The following PRR16 variants were observed in gnomAD, a reference collection of about 807,000 sequenced individuals.
PRR16 encodes proline rich 16, also known as protein Largen.
A neutral mutation model predicts 18.2 loss-of-function variants in PRR16; 6 were observed. The observed-to-expected ratio is 0.33, with a 90% CI of 0.18 to 0.65. The LOEUF is 0.65. PRR16 is among the 30% of genes least tolerant of loss of function. PRR16 has a pLI of 0.74. For missense variants in PRR16, 412 were observed against 376.6 expected, an observed-to-expected ratio of 1.09 and a Z score of -0.78; for synonymous variants, 151 against 147.8, an observed-to-expected ratio of 1.02 and a Z score of -0.16.
chr5:120,790,162 T>C, the PRR16 span: 2 of 152,136 alleles, frequency 1.3e-5, no homozygotes, highest in African/African-American at 2.4e-5. Context: ...CTGACAGCCA[T>C]GAGCAGAGCC....
downstream of PRR16, among the ~76,000 whole-genome samples, chr5:120,689,308 T>A (rs556866679): frequency 7.9e-5 from 12 of 152,176 alleles, no homozygotes; most frequent in Admixed American, 1.3e-4. Flanking sequence ...TACAAACTTG[T>A]AAAACAGAAA....
chr5:120,695,933 G>A, the PRR16 span, among the ~76,000 whole-genome samples: 1 of 21,908 alleles, frequency 4.6e-5, no homozygotes, highest in Non-Finnish European at 1.1e-4. Context: ...ATATATGTGT[G>A]TGTGTATATA....
the PRR16 span, among the ~76,000 whole-genome samples, chr5:120,702,937 C>T: frequency 6.6e-6 from 1 of 152,148 alleles, no homozygotes. Flanking sequence ...GGAGGTCCCC[C>T]GATCCGAGTC....
At chr5:120,665,767 T>C (rs1756352312) in intron 1 of PRR16, among the ~76,000 whole-genome samples, 1 of 152,206 alleles carries the variant, frequency 6.6e-6, no homozygotes, top group Non-Finnish European at 1.5e-5. Flanking sequence ...CAGATAGTTG[T>C]AGATATGTGG....
chr5:120,501,700 G>A (rs1293291829), intron 1 of PRR16, among the ~76,000 whole-genome samples: 3 of 151,966 alleles, frequency 2.0e-5, no homozygotes, highest in African/African-American at 4.8e-5. Context: ...GAAATGGCCA[G>A]TATATCAGCA....
At chr5:120,772,496 C>G in the PRR16 span, among the ~76,000 whole-genome samples, 2 of 151,944 alleles carry the variant, frequency 1.3e-5, no homozygotes, top group South Asian at 4.2e-4. Context: ...TAATGTAAAG[C>G]TTATGTATTA....
chr5:120,737,010 G>T, the PRR16 span, among the ~76,000 whole-genome samples: 3 of 152,176 alleles, frequency 2.0e-5, no homozygotes, highest in African/African-American at 7.2e-5. Context: ...GATCTTTAGA[G>T]TGTTCTACAC....
At chr5:120,680,943 A>C (rs75746784) in intron 1 of PRR16, among the ~76,000 whole-genome samples, 1 of 152,118 alleles carries the variant, frequency 6.6e-6, no homozygotes, top group Non-Finnish European at 1.5e-5. Flanking sequence ...GTTGGTATAG[A>C]TACTATATGT....
At chr5:120,648,425 T>C (rs1302264852) in intron 1 of PRR16, among the ~76,000 whole-genome samples, 1 of 151,916 alleles carries the variant, frequency 6.6e-6, no homozygotes, top group Non-Finnish European at 1.5e-5. Flanking sequence ...AGAGTTAAAC[T>C]GTTTGTTCCA....
chr5:120,694,030 T>G, the PRR16 span, among the ~76,000 whole-genome samples: 5 of 152,330 alleles, frequency 3.3e-5, no homozygotes, highest in East Asian at 9.6e-4. Context: ...TCGCCTGTAT[T>G]CCTCCTTTGA....
At chr5:120,743,678 C>CT in the PRR16 span, among the ~76,000 whole-genome samples, 1 of 152,018 alleles carries the variant, frequency 6.6e-6, no homozygotes, top group African/African-American at 2.4e-5. Flanking sequence ...GTTACTTTTA[C>CT]TTTTTGCTGT....
At chr5:120,644,536 C>T (rs1056671743) in intron 1 of PRR16, among the ~76,000 whole-genome samples, 82 of 152,230 alleles carry the variant, frequency 5.4e-4, no homozygotes, top group African/African-American at 1.9e-3. Context: ...TGCAAAATAT[C>T]TGAGAGTTAG....
intron 1 of PRR16, among the ~76,000 whole-genome samples, chr5:120,602,893 A>G (rs948112302): frequency 1.3e-5 from 2 of 152,010 alleles, no homozygotes; most frequent in Admixed American, 1.3e-4. Context: ...TCAAACCATC[A>G]TCGCATCTCA....
the PRR16 span, among the ~76,000 whole-genome samples, chr5:120,699,333 G>A: frequency 2.6e-5 from 4 of 152,182 alleles, no homozygotes; most frequent in Admixed American, 6.5e-5. Context: ...TGGTGGAACC[G>A]CCGTCAATAA....
downstream of PRR16, among the ~76,000 whole-genome samples, chr5:120,687,611 T>C (rs1247345660): frequency 6.6e-6 from 1 of 152,206 alleles, no homozygotes; most frequent in East Asian, 1.9e-4. Flanking sequence ...TAGGGTGTTT[T>C]GCCTCCTGCA....
At chr5:120,709,892 C>G in the PRR16 span, among the ~76,000 whole-genome samples, 3 of 152,082 alleles carry the variant, frequency 2.0e-5, no homozygotes, top group South Asian at 2.1e-4. Flanking sequence ...ATGATGGGCA[C>G]TTAGGTTGAT....
chr5:120,499,364 C>T (rs980449266), intron 1 of PRR16, among the ~76,000 whole-genome samples: 13 of 151,968 alleles, frequency 8.6e-5, no homozygotes, highest in Non-Finnish European at 1.3e-4. Flanking sequence ...TCTCAACTCT[C>T]CTAGAACTCC....
At chr5:120,728,413 A>C in the PRR16 span, among the ~76,000 whole-genome samples, 1 of 151,200 alleles carries the variant, frequency 6.6e-6, no homozygotes, top group African/African-American at 2.4e-5. Flanking sequence ...TCTGTTTTCT[A>C]TTAAGGAGAG....
At chr5:120,731,125 A>G in the PRR16 span, among the ~76,000 whole-genome samples, 41,654 of 152,124 alleles carry the variant, frequency 0.27, 7,369 homozygotes, top group Non-Finnish European at 0.39. Context: ...TATACTTTAT[A>G]TGTCAACAGA....
Sources: allele counts gnomAD v4.1 joint callset (sites outside exome capture counted in the v4.1 genomes callset), GRCh38; gene constraint gnomAD v4.1.1; transcripts MANE v1.5; gene names NCBI Gene and HGNC (gene_info 2026-07-23, HGNC 2026-07-21).